Variants in CNGA3 observed in about 807,000 individuals in gnomAD.
CNGA3 encodes cyclic nucleotide-gated channel alpha-3.
In CNGA3, 42 loss-of-function variants were observed where a neutral mutation model predicts 46.6. That is an observed-to-expected ratio of 0.90 (90% CI 0.70 to 1.17). CNGA3 has a LOEUF of 1.17. Ranked by LOEUF, CNGA3 falls within the 50% of genes most tolerant of loss-of-function variation. The pLI is 0.00. For synonymous variants in CNGA3, 394 were observed against 369.4 expected (o/e 1.07, Z -0.76); for missense variants, 893 against 890.7 (o/e 1.00, Z -0.03).
intron 1 of CNGA3, among the ~76,000 whole-genome samples, chr2:98,354,866 A>G (rs1483805545): frequency 6.6e-6 from 1 of 152,208 alleles, no homozygotes; most frequent in Non-Finnish European, 1.5e-5. Flanking sequence ...TTGATACACA[A>G]AGGCATTTTT....
intron 2 of CNGA3, among the ~76,000 whole-genome samples, chr2:98,375,526 A>C (rs757896041): frequency 1.3e-5 from 2 of 152,224 alleles, no homozygotes; most frequent in Non-Finnish European, 2.9e-5. Context: ...AGTATACAGA[A>C]TATGAAGCGG....
intron 1 of CNGA3, among the ~76,000 whole-genome samples, chr2:98,348,744 G>A (rs1691702730): frequency 6.6e-6 from 1 of 152,168 alleles, no homozygotes; most frequent in African/African-American, 2.4e-5. Flanking sequence ...GAGTACAAAG[G>A]ACAAGGCTCA....
chr2:98,358,986 A>G (rs982470474), intron 1 of CNGA3, among the ~76,000 whole-genome samples: 2 of 152,220 alleles, frequency 1.3e-5, no homozygotes, highest in Admixed American at 1.3e-4. Context: ...CTCCCCTCCA[A>G]AACAGAGCCT....
chr2:98,372,433 C>T lies in CNGA3; in HGVS notation c.101+2357C>T, dbSNP rs528646225. ...TAGGGATCAGCCACATGGTCAGGGGCTCTGAACTGACGTCTTGAGATAATG... is the reference window on the plus strand; with the variant it reads ...TAGGGATCAGCCACATGGTCAGGGGTTCTGAACTGACGTCTTGAGATAATG... On this transcript the variant is annotated intron_variant, in intron 2 of 7. Coordinates refer to ENST00000272602, the MANE Select transcript of CNGA3 (RefSeq NM_001298.3). Among the ~76,000 whole-genome samples, 3 of 152,298 alleles carry T rather than the reference C, an allele frequency of 2.0e-5. No homozygotes were observed. The South Asian group carries it at 6.2e-4, about 32-fold the overall frequency.
At chr2:98,392,486 G>A (rs969677028) in intron 7 of CNGA3, among the ~76,000 whole-genome samples, 2 of 151,974 alleles carry the variant, frequency 1.3e-5, no homozygotes, top group East Asian at 1.9e-4. Flanking sequence ...CTTGAACCCC[G>A]GGAGGTGGAG....
chr2:98,377,860 A>C (rs533263189), intron 3 of CNGA3, 60 bp downstream of exon 3: 1 of 1,490,660 alleles, frequency 6.7e-7, no homozygotes, highest in Non-Finnish European at 9.1e-7. Context: ...GAAAGAAGGT[A>C]GTGACCTCTC....
At chr2:98,363,600 G>A (rs895724912) in intron 1 of CNGA3, among the ~76,000 whole-genome samples, 2 of 152,098 alleles carry the variant, frequency 1.3e-5, no homozygotes, top group African/African-American at 4.8e-5. Context: ...AGTTTTCAAG[G>A]GGAATGCTTC....
chr2:98,357,423 G>C (rs1282241573), intron 1 of CNGA3, among the ~76,000 whole-genome samples: 1 of 152,196 alleles, frequency 6.6e-6, no homozygotes, highest in Admixed American at 6.5e-5. Flanking sequence ...CCTCCTTAAT[G>C]GTCCCTAAGG....
At chr2:98,367,320 G>A (rs1473744305) in intron 1 of CNGA3, among the ~76,000 whole-genome samples, 1 of 151,342 alleles carries the variant, frequency 6.6e-6, no homozygotes, top group African/African-American at 2.4e-5. Context: ...TCAGCCTCCC[G>A]AGTAGCTGGG....
Position 98,397,514 on chromosome 2 carries a change from T to A in CNGA3, c.*259T>A, listed in dbSNP as rs1486367411. On this transcript the variant is annotated 3_prime_UTR_variant, in exon 8 of 8. Transcript: ENST00000272602. The stretch of plus-strand genomic sequence containing the variant: ...GCAGGGCTTTGCAAAGTGCAAGGTA[T>A]CCCCAGTCCAAGTATATGAAAACGT... 2 of 547,062 alleles carry A rather than the reference T, an allele frequency of 3.7e-6. No homozygotes were observed. The highest frequency in any genetic ancestry group is 3.8e-5 in the African/African-American group (2 of 52,846). 33.9% of individuals were successfully genotyped at this position (547,062 alleles called of 1,614,324 possible).
At chr2:98,382,430 C>T (rs1053255755) in intron 4 of CNGA3, among the ~76,000 whole-genome samples, 7 of 152,062 alleles carry the variant, frequency 4.6e-5, no homozygotes, top group African/African-American at 9.7e-5. Flanking sequence ...TAGAAACAAG[C>T]GGTTATGGCC....
chr2:98,371,931 G>A (rs189646879), intron 2 of CNGA3, among the ~76,000 whole-genome samples: 1 of 152,324 alleles, frequency 6.6e-6, no homozygotes, highest in East Asian at 1.9e-4. Context: ...AAGGACCAGA[G>A]GCTGTCAGGA....
intron 1 of CNGA3, among the ~76,000 whole-genome samples, chr2:98,359,575 T>C (rs1027202082): frequency 6.6e-6 from 1 of 152,186 alleles, no homozygotes; most frequent in African/African-American, 2.4e-5. Context: ...CCGAGAGTAC[T>C]CAGGCCCCTT....
intron 1 of CNGA3, among the ~76,000 whole-genome samples, chr2:98,352,119 C>T (rs1481685694): frequency 1.3e-5 from 2 of 152,134 alleles, no homozygotes; most frequent in Non-Finnish European, 2.9e-5. Flanking sequence ...TATTATGTGA[C>T]TCTTTTTGTC....
chr2:98,386,174 A>G (rs1378875013), intron 5 of CNGA3, among the ~76,000 whole-genome samples: 1 of 152,148 alleles, frequency 6.6e-6, no homozygotes, highest in Non-Finnish European at 1.5e-5. Context: ...AGGCAGAACA[A>G]TCTCCCCCAA....
At chr2:98,391,731 G>A in intron 6 of CNGA3, 133 bp from the exon 7 acceptor site, 1 of 784,234 alleles carries the variant, frequency 1.3e-6, no homozygotes. Context: ...CACTGAGGTA[G>A]TGACACCGCA....
intron 2 of CNGA3, among the ~76,000 whole-genome samples, chr2:98,374,791 C>T (rs1439660399): frequency 1.3e-5 from 2 of 152,226 alleles, no homozygotes; most frequent in Non-Finnish European, 2.9e-5. Flanking sequence ...GAATTTCAGG[C>T]ATTGAGAAGG....
intron 1 of CNGA3, among the ~76,000 whole-genome samples, chr2:98,354,747 T>C (rs946520258): frequency 3.9e-5 from 6 of 152,206 alleles, no homozygotes; most frequent in African/African-American, 1.4e-4. Context: ...ATCAAACCAC[T>C]GTGCTGTAGC....
At chr2:98,382,416 A>G (rs1692559735) in intron 4 of CNGA3, among the ~76,000 whole-genome samples, 2 of 152,192 alleles carry the variant, frequency 1.3e-5, no homozygotes, top group African/African-American at 4.8e-5. Context: ...GAGCAGAACC[A>G]ATCTAGAAAC....
Sources: allele counts gnomAD v4.1 joint callset (sites outside exome capture counted in the v4.1 genomes callset), GRCh38; gene constraint gnomAD v4.1.1; transcripts MANE v1.5; gene names NCBI Gene and HGNC (gene_info 2026-07-23, HGNC 2026-07-21).